The following RAB28 variants were observed in gnomAD, a reference collection of about 807,000 sequenced individuals.
RAB28 encodes RAB28, member RAS oncogene family.
A neutral mutation model predicts 31.7 loss-of-function variants in RAB28; 24 were observed. The ratio of observed to expected loss-of-function variants is 0.76; its 90% confidence interval spans 0.55 to 1.06. The LOEUF is 1.06. Ranked by LOEUF, RAB28 falls within the 50% of genes least tolerant of loss-of-function variation. The probability of loss-of-function intolerance (pLI) is 0.00; values close to 1 mark genes in which losing one functional copy is unlikely to be tolerated. For missense variants in RAB28, 254 were observed against 258.5 expected (o/e 0.98, Z 0.12); for synonymous variants, 100 against 90.4 (o/e 1.11, Z -0.60).
intron 4 of RAB28, among the ~76,000 whole-genome samples, chr4:13,456,695 A>C (rs778180796): frequency 1.8e-4 from 26 of 148,392 alleles, no homozygotes; most frequent in Non-Finnish European, 4.4e-5. Context: ...ATAGCCTTTA[A>C]AAATAGAACA....
At chr4:13,399,441 A>C (rs150111938) in intron 4 of RAB28, among the ~76,000 whole-genome samples, 1 of 152,246 alleles carries the variant, frequency 6.6e-6, no homozygotes, top group Non-Finnish European at 1.5e-5. Flanking sequence ...TAATATGCCT[A>C]GCTGTCTAAG....
chr4:13,426,399 A>T (rs1458828131), intron 4 of RAB28, among the ~76,000 whole-genome samples: 1 of 152,152 alleles, frequency 6.6e-6, no homozygotes, highest in Non-Finnish European at 1.5e-5. Context: ...AATGAGAATT[A>T]CGAAGAAAAA....
intron 4 of RAB28, among the ~76,000 whole-genome samples, chr4:13,455,389 G>C (rs1465801883): frequency 6.6e-6 from 1 of 152,250 alleles, no homozygotes; most frequent in Non-Finnish European, 1.5e-5. Flanking sequence ...AGTGTGGGCA[G>C]TGGGGACTGG....
chr4:13,416,758 C>A (rs572952393), intron 4 of RAB28, among the ~76,000 whole-genome samples: 2 of 152,118 alleles, frequency 1.3e-5, no homozygotes, highest in Non-Finnish European at 2.9e-5. Context: ...TGCACACAAA[C>A]GAAGATTCCA....
chr4:13,411,626 C>T (rs1165052450), intron 4 of RAB28, among the ~76,000 whole-genome samples: 1 of 151,874 alleles, frequency 6.6e-6, no homozygotes, highest in Non-Finnish European at 1.5e-5. Context: ...AATAATTTAA[C>T]ACAAATATTA....
chr4:13,476,559 C>T (rs1037987929), intron 2 of RAB28, among the ~76,000 whole-genome samples: 4 of 151,368 alleles, frequency 2.6e-5, no homozygotes, highest in Non-Finnish European at 5.9e-5. Flanking sequence ...ATTATTAACA[C>T]ATAAAACTAA....
intron 6 of RAB28, chr4:13,371,513 A>G: frequency 1.0e-6 from 1 of 985,244 alleles, no homozygotes; most frequent in Non-Finnish European, 1.2e-6. Context: ...TGACTAATGT[A>G]AATGACTTGG....
chr4:13,423,483 CG>C (rs887543328), intron 4 of RAB28, among the ~76,000 whole-genome samples: 2 of 148,852 alleles, frequency 1.3e-5, no homozygotes, highest in Admixed American at 6.7e-5. Context: ...AACTCCGTCT[CG>C]GGGGGGAAAA....
At chr4:13,370,109 TCACACACACA>T in intron 6 of RAB28, 1 of 1,410,208 alleles carries the variant, frequency 7.1e-7, no homozygotes, top group Non-Finnish European at 9.2e-7. Context: ...TAAACATGTC[TCACACACACA>T]CGCACACACA....
intron 4 of RAB28, among the ~76,000 whole-genome samples, chr4:13,395,794 A>G (rs1451707044): frequency 1.3e-5 from 2 of 152,086 alleles, no homozygotes; most frequent in Non-Finnish European, 2.9e-5. Context: ...TTTAAGTACA[A>G]TTTCAAAATT....
At chr4:13,459,993 G>C (rs958235552) in intron 4 of RAB28, 1 of 1,010,976 alleles carries the variant, frequency 9.9e-7, no homozygotes, top group Non-Finnish European at 1.4e-6. Flanking sequence ...CAAAGCAGCG[G>C]AGCAGTTATA....
At chr4:13,399,812 T>TA (rs1711642434) in intron 4 of RAB28, among the ~76,000 whole-genome samples, 1 of 152,212 alleles carries the variant, frequency 6.6e-6, no homozygotes, top group Non-Finnish European at 1.5e-5. Context: ...TATTTTGTGT[T>TA]ACACACACCT....
chr4:13,464,710 A>G (rs915577051), intron 3 of RAB28, among the ~76,000 whole-genome samples: 11 of 152,126 alleles, frequency 7.2e-5, no homozygotes, highest in African/African-American at 2.7e-4. Flanking sequence ...AGCACAGTGT[A>G]AAGCCTCACA....
At chr4:13,393,430 C>G (rs1729733932) in intron 4 of RAB28, among the ~76,000 whole-genome samples, 3 of 152,176 alleles carry the variant, frequency 2.0e-5, no homozygotes, top group Admixed American at 2.0e-4. Flanking sequence ...AATAGGTGAT[C>G]ATCTACAAGT....
chr4:13,483,172 C>A (rs927778513), intron 1 of RAB28, among the ~76,000 whole-genome samples: 14 of 152,256 alleles, frequency 9.2e-5, no homozygotes, highest in African/African-American at 3.1e-4. Flanking sequence ...ATCTTATGGA[C>A]CCTCTCCCCA....
chr4:13,369,367 C>T (rs981742670), intron 6 of RAB28, among the ~76,000 whole-genome samples: 1 of 152,092 alleles, frequency 6.6e-6, no homozygotes, highest in African/African-American at 2.4e-5. Context: ...CCCTCTAACA[C>T]ACACTTCAAG....
At chr4:13,381,940 T>C (rs764822219) in intron 4 of RAB28, among the ~76,000 whole-genome samples, 4 of 152,216 alleles carry the variant, frequency 2.6e-5, no homozygotes, top group Non-Finnish European at 4.4e-5. Context: ...CTTAATATAG[T>C]ACATTTAAAC....
chr4:13,460,354 G>C (rs1472780190), intron 4 of RAB28, among the ~76,000 whole-genome samples: 1 of 152,118 alleles, frequency 6.6e-6, no homozygotes, highest in Non-Finnish European at 1.5e-5. Context: ...TCTCTCTCAT[G>C]TCTCTTATGA....
Position 13,387,290 on chromosome 4 carries a change from G to C in RAB28, c.392-5696C>G, listed in dbSNP as rs77419838. Among the ~76,000 whole-genome samples, 564 of 152,102 alleles carry C rather than the reference G, an allele frequency of 3.7e-3. 3 individuals carry two copies. The highest frequency in any genetic ancestry group is 0.012 in the African/African-American group (518 of 41,548). The stretch of plus-strand genomic sequence containing the variant: ...AGTTAACATGATTAGCAAGACAATG[G>C]AAATCTAAGCATCATAATTGTCTCT... On this transcript the variant is annotated intron_variant, in intron 4 of 6. Transcript: ENST00000330852.
Sources: gnomAD v4.1 joint callset for allele counts (sites outside exome capture counted in the v4.1 genomes callset) on GRCh38, gnomAD v4.1.1 for gene constraint, MANE v1.5 for transcripts, NCBI Gene and HGNC (gene_info 2026-07-23, HGNC 2026-07-21) for gene names.